The following TMEM108 variants were observed in gnomAD, a reference collection of about 807,000 sequenced individuals.
TMEM108 encodes transmembrane protein 108.
TMEM108 carries 12 observed loss-of-function variants against 35.1 expected under a neutral mutation model. The ratio of observed to expected loss-of-function variants is 0.34; its 90% CI spans 0.22 to 0.55. The LOEUF (loss-of-function observed/expected upper bound fraction) is 0.55. Among genes scored for constraint, TMEM108 ranks in the 20% least tolerant of loss-of-function variants. The pLI, the probability that TMEM108 is intolerant of heterozygous loss-of-function variation, is 0.89. For missense variants in TMEM108, 680 were observed against 753.3 expected, an observed-to-expected ratio of 0.90 and a Z score of 1.14; for synonymous variants, 287 against 308.6, an observed-to-expected ratio of 0.93 and a Z score of 0.73.
intron 2 of TMEM108, among the ~76,000 whole-genome samples, chr3:133,160,993 C>G (rs1156942394): frequency 6.6e-6 from 1 of 152,130 alleles, no homozygotes; most frequent in Non-Finnish European, 1.5e-5. Context: ...CAGTTTTGTA[C>G]CTATTGCCAA....
intron 2 of TMEM108, among the ~76,000 whole-genome samples, chr3:133,164,065 C>T (rs1944999989): frequency 6.6e-6 from 1 of 152,182 alleles, no homozygotes; most frequent in Non-Finnish European, 1.5e-5. Flanking sequence ...ATTAACTCTT[C>T]ATAATATTGT....
intron 2 of TMEM108, among the ~76,000 whole-genome samples, chr3:133,203,897 A>G (rs890751438): frequency 6.6e-6 from 1 of 152,212 alleles, no homozygotes; most frequent in Admixed American, 6.5e-5. Flanking sequence ...TACCTCTGGT[A>G]AAATTCAGCT....
intron 2 of TMEM108, among the ~76,000 whole-genome samples, chr3:133,099,627 C>A (rs900401387): frequency 6.6e-6 from 1 of 152,160 alleles, no homozygotes; most frequent in African/African-American, 2.4e-5. Context: ...TTAGAAGTTT[C>A]TTCCCCCAGA....
rs867201180 is a variant in TMEM108 at position 133,305,365 on chromosome 3, G to A, written c.41-74387G>A. Reference sequence around the variant, plus strand: ...AATATCACACTCTGGGGACTGTGGTGGGGTGGGGGGAGGGGGGAGGGATAG... The same window carrying A: ...AATATCACACTCTGGGGACTGTGGTAGGGTGGGGGGAGGGGGGAGGGATAG... On this transcript the variant is annotated intron_variant, in intron 3 of 5. Transcript: ENST00000321871. 2.3e-4 allele frequency among the ~76,000 whole-genome samples: 29 copies of A among 128,190 alleles called. 2 individuals carry two copies. Among genetic ancestry groups the A allele is most frequent in the African/African-American group, 8.1e-4 (28 of 34,368 alleles). 84.1% of individuals were successfully genotyped at this position (128,190 alleles called of 152,430 possible).
intron 2 of TMEM108, among the ~76,000 whole-genome samples, chr3:133,124,283 C>T (rs1944388449): frequency 6.6e-6 from 1 of 152,168 alleles, no homozygotes; most frequent in African/African-American, 2.4e-5. Context: ...GGTTTCCAGC[C>T]TGTTAAATAA....
chr3:133,310,021 G>T (rs1201072509), intron 3 of TMEM108, among the ~76,000 whole-genome samples: 1 of 152,132 alleles, frequency 6.6e-6, no homozygotes. Context: ...TCTTAATCCT[G>T]TGTTCTAATT....
chr3:133,121,133 A>G (rs907701917), intron 2 of TMEM108, among the ~76,000 whole-genome samples: 2 of 152,238 alleles, frequency 1.3e-5, no homozygotes, highest in African/African-American at 4.8e-5. Context: ...GGACTTCTGA[A>G]TCCTGATCTT....
At chr3:133,148,830 T>A (rs1944757874) in intron 2 of TMEM108, among the ~76,000 whole-genome samples, 1 of 151,900 alleles carries the variant, frequency 6.6e-6, no homozygotes. Flanking sequence ...ACCCCATCTC[T>A]ACAAAAAATA....
intron 3 of TMEM108, among the ~76,000 whole-genome samples, chr3:133,249,361 G>A (rs951603402): frequency 1.3e-5 from 2 of 152,202 alleles, no homozygotes; most frequent in African/African-American, 4.8e-5. Context: ...GTCACACTGT[G>A]GTTAATTATA....
intron 2 of TMEM108, among the ~76,000 whole-genome samples, chr3:133,222,451 T>C (rs1323829026): frequency 6.6e-6 from 1 of 152,118 alleles, no homozygotes; most frequent in African/African-American, 2.4e-5. Context: ...TGAAAACTTT[T>C]CTATTATTTA....
chr3:133,238,522 G>A (rs532970743), intron 3 of TMEM108, among the ~76,000 whole-genome samples: 32 of 152,150 alleles, frequency 2.1e-4, no homozygotes, highest in Non-Finnish European at 3.8e-4. Flanking sequence ...GTGGCTAACT[G>A]GGAAATGTAC....
chr3:133,205,158 G>A (rs1268928493), intron 2 of TMEM108, among the ~76,000 whole-genome samples: 2 of 145,992 alleles, frequency 1.4e-5, no homozygotes, highest in African/African-American at 5.1e-5. Flanking sequence ...CCATTTGCTT[G>A]GTAAATCTTC....
At chr3:133,084,565 G>A (rs1419206468) in intron 2 of TMEM108, among the ~76,000 whole-genome samples, 2 of 152,184 alleles carry the variant, frequency 1.3e-5, no homozygotes, top group Admixed American at 1.3e-4. Context: ...CTCCTTGAAG[G>A]ATTATTAGCT....
chr3:133,229,242 A>C lies in TMEM108; in HGVS notation c.-46-24A>C, dbSNP rs1452896829. 4 of 1,497,758 alleles carry C rather than the reference A, an allele frequency of 2.7e-6. No individual in the cohort carries two copies. The East Asian group carries it at 9.1e-5, about 34-fold the overall frequency. 92.8% of individuals were successfully genotyped at this position (1,497,758 alleles called of 1,614,324 possible). ...TTAAATTATGTTCCTCAGATGTAAC[A>C]ATTTTCTTCTCCCAATTTCCTAGAC... is the stretch of plus-strand genomic sequence containing the variant. On this transcript the variant is annotated intron_variant, in intron 2 of 5. Transcript: ENST00000321871.
At chr3:133,227,198 T>C (rs1011619672) in intron 2 of TMEM108, among the ~76,000 whole-genome samples, 3 of 140,254 alleles carry the variant, frequency 2.1e-5, no homozygotes, top group African/African-American at 7.9e-5. Context: ...TCTTTTTTTT[T>C]TTTTTTTTTT....
rs543095082 is a variant in TMEM108, at chr3:133,369,065, G to A, written c.41-10687G>A. Among the ~76,000 whole-genome samples the A allele has an allele frequency of 5.3e-5, 8 of 152,250 alleles. No individual in the cohort carries two copies. In the South Asian group the frequency reaches 1.2e-3, roughly 24 times the overall value. The stretch of plus-strand genomic sequence containing the variant: ...GAGAAAAACGAAGCTTAACTAATTT[G>A]CCTGAAGTCTACAACTAGAAAATTA... On this transcript the variant is annotated intron_variant, in intron 3 of 5. Transcript: ENST00000321871.
chr3:133,065,847 A>G (rs1281396349), intron 2 of TMEM108, among the ~76,000 whole-genome samples: 2 of 152,182 alleles, frequency 1.3e-5, no homozygotes, highest in African/African-American at 4.8e-5. Context: ...ATTTTTCAGT[A>G]TAATCGTTGG....
chr3:133,325,565 A>C (rs1270319549), intron 3 of TMEM108, among the ~76,000 whole-genome samples: 4 of 152,114 alleles, frequency 2.6e-5, no homozygotes, highest in African/African-American at 9.7e-5. Flanking sequence ...GTTTAAAATC[A>C]ATACATGTTA....
At chr3:133,078,562 A>T (rs1418492740) in intron 2 of TMEM108, among the ~76,000 whole-genome samples, 1 of 152,194 alleles carries the variant, frequency 6.6e-6, no homozygotes, top group African/African-American at 2.4e-5. Context: ...AGGCCACAGA[A>T]TTATTAGTGA....
Sources: allele counts gnomAD v4.1 joint callset (sites outside exome capture counted in the v4.1 genomes callset), GRCh38; gene constraint gnomAD v4.1.1; transcripts MANE v1.5; gene names NCBI Gene and HGNC (gene_info 2026-07-23, HGNC 2026-07-21).